SLC25A24: variants seen among roughly 807,000 people sequenced by gnomAD.
SLC25A24 encodes the protein solute carrier family 25 member 24, also known as mitochondrial adenyl nucleotide antiporter SLC25A24.
In SLC25A24, 49 loss-of-function variants were observed where a neutral mutation model predicts 60.7. The observed-to-expected ratio is 0.81, with a 90% CI of 0.64 to 1.02. The LOEUF (loss-of-function observed/expected upper bound fraction) is 1.02. Ranked by LOEUF, SLC25A24 falls within the 50% of genes least tolerant of loss-of-function variation. The pLI is 0.00. For missense variants in SLC25A24, 564 were observed against 586.3 expected (o/e 0.96, Z 0.39); for synonymous variants, 202 against 200.6 (o/e 1.01, Z -0.06).
At position 108,199,972 on chromosome 1, in the gene SLC25A24, C is replaced by A. The variant is rs1648609951; in HGVS notation, c.167G>T (p.Gly56Val). The A allele has an allele frequency of 6.2e-7, 1 of 1,609,390 alleles. No homozygotes were observed. Among genetic ancestry groups the A allele is most frequent in the Admixed American group, 1.7e-5 (1 of 59,600 alleles). The change falls in exon 1 of 10, where the codon GGC becomes GTC. Residue 56 changes from glycine to valine, a missense_variant. Gly to Val is a moderately radical substitution (Grantham distance 109). Transcript: ENST00000565488. ...EGLRNLGIPL[G>V]QDAEEKIFTT... ...GCGACCCACCTCCTCGGCGTCCTGG[C>A]CCAGAGGGATGCCCAGGTTCCTGAG...
intron 2 of SLC25A24, among the ~76,000 whole-genome samples, chr1:108,183,829 T>C (rs1648023453): frequency 6.6e-6 from 1 of 152,208 alleles, no homozygotes; most frequent in Non-Finnish European, 1.5e-5. Context: ...AGGCAGAGTA[T>C]TGCCTTATTC....
Position 108,180,486 on chromosome 1 carries a change from G to T in SLC25A24, c.398+1455C>A, listed in dbSNP as rs1647875243. ...AGCTGTGTCCCTCCCAAATCCAAAT[G>T]TTGAGGCCCTAACCCACCGTGTGAT... On this transcript the variant is annotated intron_variant, in intron 3 of 9. Coordinates refer to ENST00000565488, the MANE Select transcript of SLC25A24 (RefSeq NM_013386.5). Among the ~76,000 whole-genome samples, 4 of 152,120 alleles carry T rather than the reference G, an allele frequency of 2.6e-5. No homozygotes were observed. The South Asian group carries it at 8.3e-4, about 32-fold the overall frequency.
chr1:108,138,303 G>C (rs1023916619), intron 9 of SLC25A24, among the ~76,000 whole-genome samples: 1 of 152,192 alleles, frequency 6.6e-6, no homozygotes, highest in Non-Finnish European at 1.5e-5. Flanking sequence ...TGCTTGGCTG[G>C]GGTTGCTGTG....
intron 1 of SLC25A24, 122 bp downstream of exon 1, chr1:108,199,834 G>A (rs1264553543): frequency 4.0e-6 from 3 of 750,674 alleles, no homozygotes; most frequent in Non-Finnish European, 4.2e-6. Flanking sequence ...GGAGCGCTGG[G>A]CGCCACAGTT....
intron 1 of SLC25A24, among the ~76,000 whole-genome samples, chr1:108,193,876 T>C (rs916208971): frequency 2.2e-5 from 3 of 138,924 alleles, no homozygotes; most frequent in African/African-American, 5.0e-5. Flanking sequence ...ATAAATACTA[T>C]CTAAGGCTTC....
intron 2 of SLC25A24, among the ~76,000 whole-genome samples, chr1:108,182,263 T>C (rs1647957261): frequency 6.6e-6 from 1 of 152,176 alleles, no homozygotes; most frequent in Admixed American, 6.5e-5. Context: ...TGTAACAGCC[T>C]TATAGATAAA....
In SLC25A24 at chr1:108,148,501, G is replaced by C. The variant is rs930480116; in HGVS notation, c.823-115C>G. On this transcript the variant is annotated intron_variant, in intron 6 of 9. Coordinates refer to ENST00000565488, the MANE Select transcript of SLC25A24 (RefSeq NM_013386.5). ...CCATGTGATGGTATTAGGAGATGAGGCTTCTGGAGGTAATTAGGGTTATGA... is the reference window on the plus strand; with the variant it reads ...CCATGTGATGGTATTAGGAGATGAGCCTTCTGGAGGTAATTAGGGTTATGA... 16 of 665,908 alleles carry C rather than the reference G, an allele frequency of 2.4e-5. No homozygotes were observed. The African/African-American group carries it at 2.7e-4, about 11-fold the overall frequency. 41.2% of individuals were successfully genotyped at this position (665,908 alleles called of 1,614,324 possible). A position where few individuals can be genotyped will look rare whatever the true frequency, so the allele number is the denominator to read the frequency against.
chr1:108,135,599 GC>G lies in SLC25A24; in HGVS notation c.*1053del, dbSNP rs1679261141. On this transcript the variant is annotated 3_prime_UTR_variant, in exon 10 of 10. Transcript: ENST00000565488. ...ATGAATGTATATGTTTACAAATTGG[GC>G]CTTTCATTTAAATATAGGTATCTAA... is the stretch of plus-strand genomic sequence containing the variant. The G allele has an allele frequency of 6.6e-6, 1 of 152,132 alleles. No individual in the cohort carries two copies. The highest frequency in any genetic ancestry group is 2.1e-4 in the South Asian group (1 of 4,826). 9.4% of individuals were successfully genotyped at this position (152,132 alleles called of 1,614,324 possible).
At chr1:108,175,365 GCTTCCC>G (rs1647636902) in intron 3 of SLC25A24, among the ~76,000 whole-genome samples, 1 of 152,154 alleles carries the variant, frequency 6.6e-6, no homozygotes, top group Non-Finnish European at 1.5e-5. Context: ...GGACGTGTTT[GCTTCCC>G]CTTCCACCAT....
intron 1 of SLC25A24, among the ~76,000 whole-genome samples, chr1:108,189,312 T>C (rs1384068601): frequency 2.0e-5 from 3 of 152,194 alleles, no homozygotes; most frequent in South Asian, 2.1e-4. Flanking sequence ...CGGTCAATCA[T>C]GGTCTGAACT....
At chr1:108,199,766 C>T in intron 1 of SLC25A24, 190 bp downstream of exon 1, 2 of 598,602 alleles carry the variant, frequency 3.3e-6, no homozygotes, top group Non-Finnish European at 5.9e-6. Context: ...GTATTATGAC[C>T]CACTTCTGTT....
chr1:108,153,683 A>C (rs1208521437), intron 6 of SLC25A24, among the ~76,000 whole-genome samples: 1 of 152,202 alleles, frequency 6.6e-6, no homozygotes, highest in African/African-American at 2.4e-5. Context: ...TTCATGTCTA[A>C]GAAAGTTAGT....
chr1:108,195,006 C>T (rs1233123918), intron 1 of SLC25A24, among the ~76,000 whole-genome samples: 2 of 152,196 alleles, frequency 1.3e-5, no homozygotes, highest in African/African-American at 4.8e-5. Context: ...CTATGATCCA[C>T]GTTTCAGAGT....
intron 4 of SLC25A24, 39 bp downstream of exon 4, chr1:108,161,143 A>G (rs1432089927): frequency 1.3e-5 from 15 of 1,135,642 alleles, no homozygotes; most frequent in South Asian, 2.5e-5. Flanking sequence ...CCTATGGTTT[A>G]TAGCTCCAAA....
At chr1:108,186,070 T>C (rs1648116879) in intron 1 of SLC25A24, 116 bp from the exon 2 acceptor site, 1 of 680,908 alleles carries the variant, frequency 1.5e-6, no homozygotes, top group Non-Finnish European at 2.3e-6. Context: ...TACCTATTTT[T>C]GGCCAGATGT....
intron 4 of SLC25A24, 89 bp from the exon 5 acceptor site, chr1:108,157,709 A>ATGAATG: frequency 7.1e-7 from 1 of 1,409,038 alleles, no homozygotes; most frequent in Middle Eastern, 2.1e-4. Context: ...ATGTTATTTT[A>ATGAATG]CAGTTAATAT....
In SLC25A24 at chr1:108,157,609, T is replaced by C; in HGVS notation, c.522A>G (p.Ile174Met). 1 of 1,613,628 alleles carries C rather than the reference T, an allele frequency of 6.2e-7. No individual in the cohort carries two copies. The highest frequency in any genetic ancestry group is 8.5e-7 in the Non-Finnish European group (1 of 1,179,674). ...RFWKHSTGID[I>M]GDSLTIPDEF... ...CATCTGGAATAGTTAAGCTATCCCC[T>C]ATGTCAATTCCCTGTAAAAATGAAA... Residue 174 changes from isoleucine to methionine, a missense_variant, in exon 5 of 10, where the codon ATA (isoleucine) becomes ATG (methionine). Ile to Met is a conservative substitution (Grantham distance 10, BLOSUM62 1). Coordinates refer to ENST00000565488, the MANE Select transcript of SLC25A24 (RefSeq NM_013386.5).
At chr1:108,143,153 G>A (rs1490106490) in intron 8 of SLC25A24, among the ~76,000 whole-genome samples, 2 of 152,168 alleles carry the variant, frequency 1.3e-5, no homozygotes, top group African/African-American at 4.8e-5. Flanking sequence ...AAATGATTTA[G>A]ATTGCAGGGT....
At chr1:108,176,487 C>A (rs1332451026) in intron 3 of SLC25A24, among the ~76,000 whole-genome samples, 1 of 152,006 alleles carries the variant, frequency 6.6e-6, no homozygotes, top group African/African-American at 2.4e-5. Context: ...ATTTTCCAAA[C>A]CTGGAGAAAG....
Sources: allele counts gnomAD v4.1 joint callset (sites outside exome capture counted in the v4.1 genomes callset), GRCh38; gene constraint gnomAD v4.1.1; transcripts MANE v1.5; gene names NCBI Gene and HGNC (gene_info 2026-07-23, HGNC 2026-07-21).